The following OCA2 variants were observed in gnomAD, a reference collection of about 807,000 sequenced individuals.
OCA2 encodes the protein OCA2 melanosomal transmembrane protein, also known as P protein.
Under a neutral mutation model 100.2 loss-of-function variants are expected in OCA2, and 77 were observed. The ratio of observed to expected loss-of-function variants is 0.77; its 90% confidence interval spans 0.64 to 0.93. The LOEUF is 0.93. Ranked by LOEUF, OCA2 falls within the 40% of genes least tolerant of loss-of-function variation. OCA2 has a pLI of 0.00. For missense variants in OCA2, 1,062 were observed against 1,089.1 expected, an observed-to-expected ratio of 0.98 and a Z score of 0.35; for synonymous variants, 432 against 439.2, an observed-to-expected ratio of 0.98 and a Z score of 0.21.
the OCA2 span, among the ~76,000 whole-genome samples, chr15:27,720,854 A>T: frequency 6.6e-6 from 1 of 152,160 alleles, no homozygotes; most frequent in Non-Finnish European, 1.5e-5. Flanking sequence ...TCACCATATC[A>T]CCTCTGACAA....
chr15:27,921,724 A>C (rs967034577), intron 19 of OCA2, among the ~76,000 whole-genome samples: 6 of 152,162 alleles, frequency 3.9e-5, no homozygotes, highest in African/African-American at 1.4e-4. Flanking sequence ...GTTTTGATAC[A>C]TGGTCTTGCT....
chr15:27,929,825 A>AAATTTTTT (rs71132826), intron 18 of OCA2, among the ~76,000 whole-genome samples: 17 of 149,122 alleles, frequency 1.1e-4, no homozygotes, highest in South Asian at 4.3e-4. Context: ...CAAATGGGAA[A>AAATTTTTT]TATTTTAAAC....
intron 18 of OCA2, among the ~76,000 whole-genome samples, chr15:27,944,877 C>T (rs1293191899): frequency 6.6e-6 from 1 of 152,194 alleles, no homozygotes. Flanking sequence ...AACAACTCTG[C>T]CTCCATAAAT....
intron 22 of OCA2, among the ~76,000 whole-genome samples, chr15:27,847,559 C>A (rs141155671): frequency 6.6e-6 from 1 of 152,010 alleles, no homozygotes; most frequent in African/African-American, 2.4e-5. Flanking sequence ...CAGGAGGCCA[C>A]GGAGAGGAGC....
At chr15:27,947,466 CT>C (rs2039880373) in intron 18 of OCA2, among the ~76,000 whole-genome samples, 1 of 152,204 alleles carries the variant, frequency 6.6e-6, no homozygotes, top group South Asian at 2.1e-4. Flanking sequence ...TTGCACACCC[CT>C]GGGTCCCTCA....
At chr15:27,989,740 C>A in intron 10 of OCA2, 74 bp from the exon 11 acceptor site, 1 of 1,366,684 alleles carries the variant, frequency 7.3e-7, no homozygotes, top group Non-Finnish European at 1.0e-6. Flanking sequence ...GAAGCGCTGC[C>A]CCCTGCTGCA....
intron 19 of OCA2, among the ~76,000 whole-genome samples, chr15:27,893,279 G>A (rs2037541793): frequency 6.6e-6 from 1 of 152,192 alleles, no homozygotes; most frequent in South Asian, 2.1e-4. Context: ...TTCATAAGCT[G>A]AGGATGTACG....
At chr15:27,903,002 G>A (rs543242693) in intron 19 of OCA2, among the ~76,000 whole-genome samples, 14 of 152,190 alleles carry the variant, frequency 9.2e-5, no homozygotes, top group Non-Finnish European at 1.9e-4. Context: ...CAGGGCACCC[G>A]GGTCAGGGAG....
intron 2 of OCA2, among the ~76,000 whole-genome samples, chr15:28,044,585 TTCTG>T (rs913873114): frequency 2.8e-4 from 42 of 152,332 alleles, no homozygotes; most frequent in Admixed American, 9.2e-4. Context: ...TTACAGGATT[TTCTG>T]TCTATTTGTT....
At position 28,022,490 on chromosome 15, in the gene OCA2, A is replaced by G; in HGVS notation, c.646+11T>C. On this transcript the variant is annotated intron_variant, in intron 6 of 23. Transcript: ENST00000354638. ...CAGGCGGCTGGCCATCTCAGAGTGG[A>G]TTTTGGATACAGTAGTTCTCCAGCG... 2 of 1,606,476 alleles carry G rather than the reference A, an allele frequency of 1.2e-6. No homozygotes were observed. Among genetic ancestry groups the G allele is most frequent in the Non-Finnish European group, 1.7e-6 (2 of 1,172,960 alleles).
At chr15:28,004,989 G>A (rs1458679735) in intron 9 of OCA2, among the ~76,000 whole-genome samples, 1 of 152,138 alleles carries the variant, frequency 6.6e-6, no homozygotes, top group Non-Finnish European at 1.5e-5. Context: ...ATTTCTTCCT[G>A]TATATCAAAG....
intron 2 of OCA2, among the ~76,000 whole-genome samples, chr15:28,042,472 C>CAAA (rs972724008): frequency 0.017 from 1,632 of 97,224 alleles, 17 homozygotes; most frequent in Middle Eastern, 0.04. Context: ...ACTAAAAATA[C>CAAA]AAAAAAAAAA....
At chr15:27,818,651 G>C (rs1006654811) in intron 23 of OCA2, among the ~76,000 whole-genome samples, 1 of 152,102 alleles carries the variant, frequency 6.6e-6, no homozygotes, top group Non-Finnish European at 1.5e-5. Flanking sequence ...ATGCAGCTGG[G>C]CAAAACTGAA....
chr15:27,811,975 T>C (rs2034097602), intron 23 of OCA2, among the ~76,000 whole-genome samples: 1 of 152,220 alleles, frequency 6.6e-6, no homozygotes, highest in Non-Finnish European at 1.5e-5. Flanking sequence ...AGGGACAGAA[T>C]CACTTTATTT....
At chr15:27,972,888 CAG>C (rs2040849925) in intron 14 of OCA2, among the ~76,000 whole-genome samples, 1 of 138,378 alleles carries the variant, frequency 7.2e-6, no homozygotes, top group African/African-American at 2.7e-5. Context: ...ATTTTTGTGA[CAG>C]AGTCTCTCTT....
intron 19 of OCA2, among the ~76,000 whole-genome samples, chr15:27,924,444 C>T (rs1472292295): frequency 1.3e-5 from 2 of 151,576 alleles, no homozygotes; most frequent in Admixed American, 6.6e-5. Context: ...ATACATTGCA[C>T]AAAATAATTG....
chr15:27,976,527 A>T (rs991507543), intron 14 of OCA2, among the ~76,000 whole-genome samples: 2 of 152,114 alleles, frequency 1.3e-5, no homozygotes, highest in African/African-American at 4.8e-5. Flanking sequence ...TGGTTTTCTC[A>T]TTTAGTTTGT....
In OCA2 at chr15:27,821,429, C is replaced by T. The variant is rs144203456; in HGVS notation, c.2432+23530G>A. Among the ~76,000 whole-genome samples, 13 of 152,278 alleles carry T rather than the reference C, an allele frequency of 8.5e-5. 1 individual carries two copies. The East Asian group carries it at 2.5e-3, about 29-fold the overall frequency. ...ATGGGCACATACATGAACATATACA[C>T]GTGTGAACATGAAAACACATGGATG... is the stretch of plus-strand genomic sequence containing the variant. On this transcript the variant is annotated intron_variant, in intron 23 of 23. Transcript: ENST00000354638.
At chr15:27,903,252 G>C (rs2038032895) in intron 19 of OCA2, among the ~76,000 whole-genome samples, 1 of 152,196 alleles carries the variant, frequency 6.6e-6, no homozygotes, top group South Asian at 2.1e-4. Flanking sequence ...ACCCAGCTGT[G>C]TGTGTTTCTC....
Sources: allele counts gnomAD v4.1 joint callset (sites outside exome capture counted in the v4.1 genomes callset), GRCh38; gene constraint gnomAD v4.1.1; transcripts MANE v1.5; gene names NCBI Gene and HGNC (gene_info 2026-07-23, HGNC 2026-07-21).